The following MACROD1 variants were observed in gnomAD, a reference collection of about 807,000 sequenced individuals.
The protein encoded by MACROD1 is mono-ADP ribosylhydrolase 1.
In MACROD1, 31 loss-of-function variants were observed where a neutral mutation model predicts 41.4. That is an observed-to-expected ratio of 0.75 (90% CI 0.56 to 1.01). The LOEUF is 1.01. Ranked by LOEUF, MACROD1 falls within the 50% of genes least tolerant of loss-of-function variation. MACROD1 has a pLI of 0.00. For missense variants in MACROD1, 473 were observed against 460.0 expected (o/e 1.03, Z -0.26); for synonymous variants, 252 against 203.4 (o/e 1.24, Z -2.03).
At chr11:64,087,835 A>C (rs1438526073) in intron 3 of MACROD1, among the ~76,000 whole-genome samples, 4 of 151,862 alleles carry the variant, frequency 2.6e-5, no homozygotes, top group Non-Finnish European at 5.9e-5. Context: ...TCCACAGACC[A>C]CTCTCCTGGG....
At chr11:64,127,172 G>A (rs1350083852) in intron 3 of MACROD1, among the ~76,000 whole-genome samples, 1 of 152,238 alleles carries the variant, frequency 6.6e-6, no homozygotes, top group African/African-American at 2.4e-5. Flanking sequence ...AAACTTCAAT[G>A]TTGAGATGAA....
At chr11:64,024,718 G>A (rs1257366951) in intron 3 of MACROD1, among the ~76,000 whole-genome samples, 2 of 152,216 alleles carry the variant, frequency 1.3e-5, no homozygotes, top group African/African-American at 2.4e-5. Context: ...GGAGGGTGGA[G>A]GGCATCAGAG....
intron 3 of MACROD1, among the ~76,000 whole-genome samples, chr11:64,078,631 A>C (rs995359109): frequency 2.6e-5 from 4 of 152,086 alleles, no homozygotes; most frequent in African/African-American, 9.7e-5. Context: ...TCCTGAGGTG[A>C]TCATGGCTCC....
intron 3 of MACROD1, among the ~76,000 whole-genome samples, chr11:64,071,763 G>A (rs1944111558): frequency 6.6e-6 from 1 of 152,196 alleles, no homozygotes; most frequent in Non-Finnish European, 1.5e-5. Flanking sequence ...AGACTGGCCT[G>A]CCCCATCCTC....
At chr11:64,157,838 C>G (rs1590979726) in intron 1 of MACROD1, among the ~76,000 whole-genome samples, 1 of 152,186 alleles carries the variant, frequency 6.6e-6, no homozygotes, top group Non-Finnish European at 1.5e-5. Flanking sequence ...GCTGGGCTCC[C>G]AGAATGCAGC....
chr11:64,119,885 G>A (rs1302873162), intron 3 of MACROD1, among the ~76,000 whole-genome samples: 2 of 152,166 alleles, frequency 1.3e-5, no homozygotes, highest in Non-Finnish European at 2.9e-5. Flanking sequence ...GAGGAAGAGC[G>A]GAGCCTGGGG....
intron 3 of MACROD1, among the ~76,000 whole-genome samples, chr11:64,088,382 G>T (rs1198563822): frequency 6.6e-6 from 1 of 152,174 alleles, no homozygotes; most frequent in Non-Finnish European, 1.5e-5. Flanking sequence ...CTGTCTGCGG[G>T]CCTCGGGGTC....
At chr11:64,030,993 A>C (rs1943286329) in intron 3 of MACROD1, among the ~76,000 whole-genome samples, 2 of 151,872 alleles carry the variant, frequency 1.3e-5, no homozygotes, top group Admixed American at 6.6e-5. Flanking sequence ...GTTGGTTAGG[A>C]CTGGAGAGGC....
intron 3 of MACROD1, among the ~76,000 whole-genome samples, chr11:64,077,714 G>C (rs551386898): frequency 6.6e-6 from 1 of 152,322 alleles, no homozygotes; most frequent in South Asian, 2.1e-4. Context: ...CATTCAAACA[G>C]GTCTCAGGGG....
At chr11:64,087,622 C>T (rs913956584) in intron 3 of MACROD1, among the ~76,000 whole-genome samples, 11 of 152,326 alleles carry the variant, frequency 7.2e-5, no homozygotes, top group African/African-American at 2.4e-4. Flanking sequence ...GCCTTGCCCG[C>T]GGCCCCAGCC....
At chr11:64,131,494 T>C (rs1279762088) in intron 3 of MACROD1, among the ~76,000 whole-genome samples, 1 of 152,146 alleles carries the variant, frequency 6.6e-6, no homozygotes, top group Non-Finnish European at 1.5e-5. Context: ...GCCCAGCTAA[T>C]TTTTGTATTT....
rs1189353889 is a variant in MACROD1 at position 64,122,403 on chromosome 11, T to A, written c.517+28836A>T. Among the ~76,000 whole-genome samples the A allele has an allele frequency of 6.6e-6, 1 of 152,146 alleles. No individual in the cohort carries two copies. Among genetic ancestry groups the A allele is most frequent in the African/African-American group, 2.4e-5 (1 of 41,444 alleles). On this transcript the variant is annotated intron_variant, in intron 3 of 10. Transcript: ENST00000255681. This position sits in a 1 kb window ranked among gnomAD's most constrained non-coding sequence, Gnocchi z 4.0. ...GGGGAGGGGACAGCACCTGGGAAGA[T>A]GGCAGCAGCTAGGAGGGGCCCAACC...
chr11:64,139,443 G>A (rs889404527), intron 3 of MACROD1, among the ~76,000 whole-genome samples: 1 of 152,112 alleles, frequency 6.6e-6, no homozygotes, highest in Non-Finnish European at 1.5e-5. Flanking sequence ...AGGCATGCTC[G>A]GGCTGCCCCC....
At chr11:64,161,814 A>G (rs988247398) in intron 1 of MACROD1, among the ~76,000 whole-genome samples, 9 of 135,722 alleles carry the variant, frequency 6.6e-5, no homozygotes, top group Non-Finnish European at 1.1e-4. Flanking sequence ...TCACACCTGT[A>G]ACCTCAGCAC....
intron 4 of MACROD1, chr11:64,001,045 G>T: frequency 4.4e-6 from 1 of 226,516 alleles, no homozygotes; most frequent in Non-Finnish European, 8.8e-6. Context: ...TTACGGCCCC[G>T]CATGGGCTTG....
At chr11:64,098,276 G>A (rs1187396846) in intron 3 of MACROD1, among the ~76,000 whole-genome samples, 2 of 152,176 alleles carry the variant, frequency 1.3e-5, no homozygotes, top group Non-Finnish European at 2.9e-5. Flanking sequence ...CAGGCTCCGG[G>A]CCCTGCTTCA....
At chr11:64,099,783 G>C (rs141580120) in intron 3 of MACROD1, among the ~76,000 whole-genome samples, 90 of 151,882 alleles carry the variant, frequency 5.9e-4, no homozygotes, top group Non-Finnish European at 1.0e-3. Flanking sequence ...TAGGTGAATG[G>C]AGAAATGAGA....
chr11:64,084,778 C>T (rs934692003), intron 3 of MACROD1, among the ~76,000 whole-genome samples: 7 of 152,198 alleles, frequency 4.6e-5, no homozygotes, highest in Non-Finnish European at 7.3e-5. Context: ...CTCCCTCACC[C>T]GCCAGCCCAG....
chr11:64,139,418 T>C (rs1233137317), intron 3 of MACROD1, among the ~76,000 whole-genome samples: 2 of 152,196 alleles, frequency 1.3e-5, no homozygotes, highest in Non-Finnish European at 2.9e-5. Context: ...AGTTCCTGTA[T>C]GTCCTTCCAG....
Sources: gnomAD v4.1 joint callset for allele counts (sites outside exome capture counted in the v4.1 genomes callset) on GRCh38, gnomAD v4.1.1 for gene constraint, Gnocchi (gnomAD v3.1) non-coding constraint, MANE v1.5 for transcripts, NCBI Gene and HGNC (gene_info 2026-07-23, HGNC 2026-07-21) for gene names.